Variants in ANO1 observed in about 807,000 individuals in gnomAD.
ANO1 encodes the protein anoctamin-1.
In ANO1, 59 loss-of-function variants were observed where a neutral mutation model predicts 124.0. The observed-to-expected ratio is 0.48, with a 90% confidence interval of 0.39 to 0.59. ANO1 has a LOEUF of 0.59. Ranked by LOEUF, ANO1 falls within the 20% of genes least tolerant of loss-of-function variation. ANO1 has a pLI of 0.00. For synonymous variants in ANO1, 529 were observed against 532.0 expected (o/e 0.99, Z 0.08); for missense variants, 1,059 against 1,328.0 (o/e 0.80, Z 3.15).
chr11:70,025,689 ATGATGATGGTGGTGGTGATGG>A (rs1856884521), intron 1 of ANO1, among the ~76,000 whole-genome samples: 2 of 136,398 alleles, frequency 1.5e-5, no homozygotes, highest in South Asian at 2.8e-4. Context: ...GGTGGTGACG[ATGATGATGGTGGTGGTGATGG>A]TGATGATGAT....
intron 1 of ANO1, among the ~76,000 whole-genome samples, chr11:69,992,979 A>G (rs1271470438): frequency 6.6e-6 from 1 of 152,242 alleles, no homozygotes; most frequent in Non-Finnish European, 1.5e-5. Flanking sequence ...CACATACAGT[A>G]GATGCCCTCC....
intron 1 of ANO1, among the ~76,000 whole-genome samples, chr11:70,040,272 G>C (rs1857162805): frequency 6.6e-6 from 1 of 151,984 alleles, no homozygotes; most frequent in Non-Finnish European, 1.5e-5. Flanking sequence ...CCTTACTAAG[G>C]TTTTGTGTCT....
In ANO1 at chr11:70,107,490, C is replaced by CGGGGGGGGGGGGGG. The variant is rs1432604573; in HGVS notation, c.748-861_748-860insGGGGGGGGGGGGGG. Among the ~76,000 whole-genome samples the CGGGGGGGGGGGGGG allele has an allele frequency of 2.0e-4, 13 of 64,476 alleles. 1 individual carries two copies. Among genetic ancestry groups the CGGGGGGGGGGGGGG allele is most frequent in the African/African-American group, 3.1e-4 (5 of 16,280 alleles). 42.3% of individuals were successfully genotyped at this position (64,476 alleles called of 152,430 possible). A position where few individuals can be genotyped will look rare whatever the true frequency, so the allele number is the denominator to read the frequency against. ...TTGGGACAGGTGGGTCCAGTGGAGG[C>CGGGGGGGGGGGGGG]GGCGGGGCGGGGAAGCGGTCAGATG... On this transcript the variant is annotated intron_variant, in intron 5 of 25. Transcript: ENST00000355303.
chr11:70,083,247 A>G (rs959280970), intron 1 of ANO1, among the ~76,000 whole-genome samples: 2 of 152,104 alleles, frequency 1.3e-5, no homozygotes, highest in African/African-American at 4.8e-5. Context: ...AACTCTTTAC[A>G]AGATATATTA....
Position 70,104,077 on chromosome 11 carries a change from C to G in ANO1, c.619C>G (p.Pro207Ala). ...CCAGAAAATCACAGATCCCATCCAG[C>G]CCAAAGTGGCTGAGCACAGGCCCCA... Reference protein sequence around the residue: ...VLQKITDPIQPKVAEHRPQTM... With the variant: ...VLQKITDPIQAKVAEHRPQTM... The change falls in exon 4 of 26, where the codon CCC becomes GCC. Residue 207 changes from proline (P) to alanine (A), a missense_variant. This residue lies in a region of ANO1 where 809 missense variants were observed against 1,094.9 expected (regional missense o/e 0.74). Coordinates refer to ENST00000355303, the MANE Select transcript of ANO1 (RefSeq NM_018043.7). 3 of 1,613,038 alleles carry G rather than the reference C, an allele frequency of 1.9e-6. No homozygotes were observed. The highest frequency in any genetic ancestry group is 2.5e-6 in the Non-Finnish European group (3 of 1,179,590).
intron 1 of ANO1, among the ~76,000 whole-genome samples, chr11:70,033,680 C>G (rs1857044545): frequency 6.6e-6 from 1 of 152,022 alleles, no homozygotes; most frequent in Non-Finnish European, 1.5e-5. Flanking sequence ...AAGGAACTCA[C>G]AGATGTATAG....
At chr11:70,061,142 C>A (rs1159165120) in intron 1 of ANO1, among the ~76,000 whole-genome samples, 1 of 151,850 alleles carries the variant, frequency 6.6e-6, no homozygotes, top group African/African-American at 2.4e-5. Flanking sequence ...GGGGATTATA[C>A]CGAGATAGGT....
At chr11:70,022,067 G>T (rs1163162043) in intron 1 of ANO1, among the ~76,000 whole-genome samples, 2 of 152,140 alleles carry the variant, frequency 1.3e-5, no homozygotes. Flanking sequence ...TCCACTTCCT[G>T]CCGCTTTGAC....
the ANO1 span, among the ~76,000 whole-genome samples, chr11:69,968,202 C>T: frequency 3.9e-5 from 6 of 152,170 alleles, no homozygotes; most frequent in South Asian, 6.2e-4. Flanking sequence ...AACGTCCTCT[C>T]CTGTAGTACA....
intron 14 of ANO1, among the ~76,000 whole-genome samples, chr11:70,153,880 C>G (rs1457367694): frequency 6.6e-6 from 1 of 152,228 alleles, no homozygotes; most frequent in Non-Finnish European, 1.5e-5. Context: ...ATTCTCATGC[C>G]TCAGCCTCCC....
At position 70,188,982 on chromosome 11, in the gene ANO1, G is replaced by A. The variant is rs768197402; in HGVS notation, c.*978G>A. 1 of 152,348 alleles carries A rather than the reference G, an allele frequency of 6.6e-6. No homozygotes were observed. Among genetic ancestry groups the A allele is most frequent in the South Asian group, 2.1e-4 (1 of 4,818 alleles). 9.4% of individuals were successfully genotyped at this position (152,348 alleles called of 1,614,324 possible). ...TTATTAGTTAACCAAATATCGTTGA[G>A]AGGAATTTAAAATACTGTTACTACC... is the stretch of plus-strand genomic sequence containing the variant. On this transcript the variant is annotated 3_prime_UTR_variant, in exon 26 of 26. Transcript: ENST00000355303.
At chr11:69,988,878 A>G (rs782666440) in intron 1 of ANO1, among the ~76,000 whole-genome samples, 24 of 151,942 alleles carry the variant, frequency 1.6e-4, no homozygotes, top group Non-Finnish European at 7.4e-5. Context: ...CTCTGCACTA[A>G]TAGTATCCTG....
intron 1 of ANO1, among the ~76,000 whole-genome samples, chr11:69,992,126 T>C (rs1856166832): frequency 6.6e-6 from 1 of 152,006 alleles, no homozygotes. Context: ...GAAAGTCAGG[T>C]GGATGAATGG....
intron 2 of ANO1, among the ~76,000 whole-genome samples, chr11:70,090,369 C>T (rs115747731): frequency 6.6e-6 from 1 of 152,196 alleles, no homozygotes; most frequent in Non-Finnish European, 1.5e-5. Flanking sequence ...GAGATCTTAA[C>T]GCTCAACAGG....
intron 1 of ANO1, among the ~76,000 whole-genome samples, chr11:70,082,383 A>T (rs2044226649): frequency 6.6e-6 from 1 of 152,194 alleles, no homozygotes; most frequent in African/African-American, 2.4e-5. Flanking sequence ...ACATAGTGAA[A>T]CCCAAGTCTC....
At chr11:70,105,692 T>C in intron 4 of ANO1, 42 bp from the exon 5 acceptor site, 1 of 1,595,332 alleles carries the variant, frequency 6.3e-7, no homozygotes, top group Non-Finnish European at 8.6e-7. Flanking sequence ...AACTGCCAGC[T>C]CTGGTGAACT....
chr11:70,052,361 G>A (rs1413292333), intron 1 of ANO1, among the ~76,000 whole-genome samples: 3 of 151,970 alleles, frequency 2.0e-5, no homozygotes, highest in African/African-American at 7.3e-5. Flanking sequence ...TTCCCTTGAG[G>A]GAGTCTTGAG....
At chr11:70,178,559 T>C (rs1275567986) in intron 22 of ANO1, among the ~76,000 whole-genome samples, 3 of 104,038 alleles carry the variant, frequency 2.9e-5, no homozygotes, top group Non-Finnish European at 5.6e-5. Context: ...TTGCAGTGGG[T>C]ATTTCTCTTT....
chr11:69,987,967 T>TG (rs1168655668), intron 1 of ANO1, among the ~76,000 whole-genome samples: 6 of 152,072 alleles, frequency 3.9e-5, no homozygotes, highest in Admixed American at 2.6e-4. Context: ...CTCGGCTGTG[T>TG]GTGGGGTGGA....
Sources: gnomAD v4.1 joint callset for allele counts (sites outside exome capture counted in the v4.1 genomes callset) on GRCh38, gnomAD v4.1.1 for gene constraint, gnomAD v4.1.1 regional missense constraint, MANE v1.5 for transcripts, NCBI Gene and HGNC (gene_info 2026-07-23, HGNC 2026-07-21) for gene names.